Variants in TMEM117 observed in about 807,000 individuals in gnomAD.
TMEM117 encodes transmembrane protein 117.
TMEM117 carries 27 observed loss-of-function variants against 52.4 expected under a neutral mutation model. The ratio of observed to expected loss-of-function variants is 0.51; its 90% confidence interval spans 0.38 to 0.71. TMEM117 has a LOEUF of 0.71. TMEM117 is among the 30% of genes least tolerant of loss of function. The pLI, the probability that TMEM117 is intolerant of heterozygous loss-of-function variation, is 0.00. For missense variants in TMEM117, 556 were observed against 630.5 expected, an observed-to-expected ratio of 0.88 and a Z score of 1.26; for synonymous variants, 215 against 206.3, an observed-to-expected ratio of 1.04 and a Z score of -0.36.
chr12:43,907,444 C>T (rs1243960768), intron 2 of TMEM117, among the ~76,000 whole-genome samples: 6 of 151,458 alleles, frequency 4.0e-5, no homozygotes. Context: ...AGCGCCTCTC[C>T]TCCTCCAAAG....
At chr12:43,969,243 G>A (rs1037749782) in intron 3 of TMEM117, among the ~76,000 whole-genome samples, 4 of 151,326 alleles carry the variant, frequency 2.6e-5, no homozygotes, top group African/African-American at 9.7e-5. Flanking sequence ...AAAATTGGCC[G>A]GGCGCGGTGG....
chr12:43,937,919 A>G (rs1026271486), intron 2 of TMEM117, among the ~76,000 whole-genome samples: 2 of 152,172 alleles, frequency 1.3e-5, no homozygotes, highest in East Asian at 1.9e-4. Context: ...GTTATAGACC[A>G]CAGGCTTTTA....
intron 3 of TMEM117, among the ~76,000 whole-genome samples, chr12:44,025,710 G>C (rs539296098): frequency 4.6e-5 from 7 of 152,284 alleles, no homozygotes; most frequent in Middle Eastern, 3.4e-3. Flanking sequence ...GAGTATTAAA[G>C]AGTCTTCTTT....
intron 3 of TMEM117, among the ~76,000 whole-genome samples, chr12:44,069,023 A>G (rs542191577): frequency 6.6e-6 from 1 of 152,334 alleles, no homozygotes; most frequent in South Asian, 2.1e-4. Context: ...AAGAGCTTAG[A>G]GTAAATACAA....
At chr12:44,180,320 G>A (rs542060758) in intron 4 of TMEM117, among the ~76,000 whole-genome samples, 1 of 150,314 alleles carries the variant, frequency 6.7e-6, no homozygotes, top group East Asian at 1.9e-4. Flanking sequence ...GTAAGATTTT[G>A]TAAACAACGA....
chr12:43,996,154 T>C (rs1002072095), intron 3 of TMEM117, among the ~76,000 whole-genome samples: 4 of 152,168 alleles, frequency 2.6e-5, no homozygotes, highest in African/African-American at 4.8e-5. Context: ...AGTAAAACAT[T>C]TAGAAAAAAT....
rs1948729943 is a variant in TMEM117, at chr12:44,151,836, T to C, written c.510+8212T>C. The stretch of plus-strand genomic sequence containing the variant: ...TTCTAAATACACATATTTAGAATAA[T>C]GTTTATATATAATATATAATATTAT... On this transcript the variant is annotated intron_variant, in intron 4 of 7. Transcript: ENST00000266534. 2.2e-5 allele frequency among the ~76,000 whole-genome samples: 3 copies of C among 139,126 alleles called. No homozygotes were observed. In the South Asian group the frequency reaches 6.4e-4, roughly 29 times the overall value. 91.3% of individuals were successfully genotyped at this position (139,126 alleles called of 152,430 possible).
At chr12:44,130,096 C>T (rs1948389526) in intron 3 of TMEM117, among the ~76,000 whole-genome samples, 1 of 152,204 alleles carries the variant, frequency 6.6e-6, no homozygotes, top group South Asian at 2.1e-4. Context: ...GTGTTTCTCC[C>T]ATAAAAAGAA....
Position 44,388,790 on chromosome 12 carries a change from G to A in TMEM117, c.*118G>A, listed in dbSNP as rs1952132466. 9.1e-7 allele frequency: 1 copy of A among 1,097,512 alleles called. No homozygotes were observed. The highest frequency in any genetic ancestry group is 1.3e-6 in the Non-Finnish European group (1 of 767,406). 68.0% of individuals were successfully genotyped at this position (1,097,512 alleles called of 1,614,324 possible). Reference sequence around the variant, plus strand: ...AGTGTTAGGTAAAAATATGAACAATGCCACAACGGTGCTCAACATGCTTTT... The same window carrying A: ...AGTGTTAGGTAAAAATATGAACAATACCACAACGGTGCTCAACATGCTTTT... On this transcript the variant is annotated 3_prime_UTR_variant, in exon 8 of 8. Transcript: ENST00000266534.
chr12:43,896,460 T>G (rs2137491913), intron 2 of TMEM117, among the ~76,000 whole-genome samples: 1 of 152,342 alleles, frequency 6.6e-6, no homozygotes, highest in Non-Finnish European at 1.5e-5. Flanking sequence ...TAGTTTGTTG[T>G]TATGTGGTTG....
At chr12:44,209,435 G>A (rs1351372560) in intron 4 of TMEM117, among the ~76,000 whole-genome samples, 4 of 151,954 alleles carry the variant, frequency 2.6e-5, no homozygotes, top group Admixed American at 2.6e-4. Flanking sequence ...ATAAACAGTT[G>A]AAAAAATCAT....
intron 6 of TMEM117, among the ~76,000 whole-genome samples, chr12:44,368,670 G>A (rs545497973): frequency 1.3e-5 from 2 of 152,140 alleles, no homozygotes; most frequent in Non-Finnish European, 2.9e-5. Flanking sequence ...CTGGCAGCAT[G>A]TGCGGAGCCA....
intron 4 of TMEM117, among the ~76,000 whole-genome samples, chr12:44,205,658 G>A (rs61690882): frequency 0.24 from 36,987 of 151,914 alleles, 7,986 homozygotes; most frequent in African/African-American, 0.59. Flanking sequence ...AGCATATGAA[G>A]AAAAAAGCTC....
At chr12:44,100,632 C>G (rs545877988) in intron 3 of TMEM117, among the ~76,000 whole-genome samples, 1 of 152,194 alleles carries the variant, frequency 6.6e-6, no homozygotes, top group South Asian at 2.1e-4. Flanking sequence ...CAAAACTCCT[C>G]TCTGCCTCTT....
intron 2 of TMEM117, among the ~76,000 whole-genome samples, chr12:43,868,891 AAATT>A (rs139102185): frequency 0.67 from 101,908 of 151,522 alleles, 39,756 homozygotes; most frequent in East Asian, 0.87. Flanking sequence ...ACAATAGAGA[AAATT>A]AATAAATCCA....
chr12:43,971,872 G>A (rs1010378895), intron 3 of TMEM117, among the ~76,000 whole-genome samples: 9 of 152,126 alleles, frequency 5.9e-5, no homozygotes, highest in Admixed American at 1.3e-4. Flanking sequence ...CTTGAATAAC[G>A]AAAACCTTAT....
intron 5 of TMEM117, among the ~76,000 whole-genome samples, chr12:44,254,148 A>G (rs1295424011): frequency 6.6e-6 from 1 of 152,100 alleles, no homozygotes; most frequent in Non-Finnish European, 1.5e-5. Flanking sequence ...AAGATTTCTA[A>G]GCCTAAAAGG....
chr12:44,284,458 C>A (rs1758623295), intron 5 of TMEM117, among the ~76,000 whole-genome samples: 1 of 152,228 alleles, frequency 6.6e-6, no homozygotes, highest in Non-Finnish European at 1.5e-5. Context: ...CAGACTAATA[C>A]AATTTCCCTC....
intron 5 of TMEM117, among the ~76,000 whole-genome samples, chr12:44,216,005 CTTTTTTTTTTT>C (rs778425747): frequency 5.4e-4 from 60 of 110,816 alleles, no homozygotes; most frequent in Non-Finnish European, 2.3e-4. Context: ...TTCTTTCTTT[CTTTTTTTTTTT>C]TTTTTTTTTG....
Sources: allele counts gnomAD v4.1 joint callset (sites outside exome capture counted in the v4.1 genomes callset), GRCh38; gene constraint gnomAD v4.1.1; transcripts MANE v1.5; gene names NCBI Gene and HGNC (gene_info 2026-07-23, HGNC 2026-07-21).